NLRC5: variants seen among roughly 807,000 people sequenced by gnomAD.
The protein encoded by NLRC5 is NLR family CARD domain containing 5, also known as protein NLRC5.
Under a neutral mutation model 206.9 loss-of-function variants are expected in NLRC5, and 114 were observed. The observed-to-expected ratio is 0.55, with a 90% CI of 0.47 to 0.64. NLRC5 has a LOEUF of 0.64. Ranked by LOEUF, NLRC5 falls within the 30% of genes least tolerant of loss-of-function variation. The pLI is 0.00. For synonymous variants in NLRC5, 952 were observed against 962.8 expected (o/e 0.99, Z 0.21); for missense variants, 2,008 against 2,305.5 (o/e 0.87, Z 2.64).
rs745494767 is a variant in NLRC5 at position 57,030,055 on chromosome 16, G to A, written c.2388G>A (p.Thr796=). 35 of 1,614,152 alleles carry A rather than the reference G, an allele frequency of 2.2e-5. No individual in the cohort carries two copies. The highest frequency in any genetic ancestry group is 1.3e-4 in the South Asian group (12 of 91,074). The change falls in exon 10 of 49, where the codon ACG becomes ACA. Residue 796 remains threonine, a synonymous_variant. Transcript: ENST00000688547. ...TLLCLARVAV[T]CPTVRMLQAR... is the part of the protein sequence containing the mutation. ...TCTGCTTGGCAAGGGTGGCAGTCAC[G>A]TGTCCTACCGTCAGGATGCTTCAGG...
At chr16:56,993,168 GACAC>G (rs1312619594) in intron 1 of NLRC5, among the ~76,000 whole-genome samples, 1 of 102,586 alleles carries the variant, frequency 9.7e-6, no homozygotes, top group South Asian at 2.6e-4. Flanking sequence ...CACATATATA[GACAC>G]ACACACACAT....
At chr16:57,081,051 G>C in intron 46 of NLRC5, 47 bp from the exon 47 acceptor site, 1 of 1,517,884 alleles carries the variant, frequency 6.6e-7, no homozygotes. Context: ...TCCACCCCTC[G>C]ACCTCCTTGC....
At chr16:57,049,963 G>A (rs959921704) in intron 23 of NLRC5, among the ~76,000 whole-genome samples, 7 of 151,884 alleles carry the variant, frequency 4.6e-5, no homozygotes, top group Admixed American at 2.0e-4. Context: ...GTGATTCCCC[G>A]GGGTTCCACC....
chr16:57,011,005 C>T (rs992707100), intron 1 of NLRC5, among the ~76,000 whole-genome samples: 19 of 152,292 alleles, frequency 1.2e-4, no homozygotes, highest in African/African-American at 4.6e-4. Flanking sequence ...CAGGCCCAGA[C>T]CCCTCCTCAG....
chr16:57,072,644 G>GGAA (rs57796009), intron 38 of NLRC5, among the ~76,000 whole-genome samples: 49,290 of 151,972 alleles, frequency 0.32, 9,995 homozygotes, highest in Non-Finnish European at 0.45. Flanking sequence ...TGTTTAGACA[G>GGAA]TATCTGGACA....
chr16:57,081,315 G>A, intron 47 of NLRC5, 134 bp downstream of exon 47: 2 of 976,782 alleles, frequency 2.0e-6, no homozygotes, highest in Non-Finnish European at 3.0e-6. Flanking sequence ...CCTGTTCCAA[G>A]CCCCTGCCAG....
At chr16:57,069,774 T>C in intron 36 of NLRC5, 62 bp from the exon 37 acceptor site, 5 of 1,387,824 alleles carry the variant, frequency 3.6e-6, no homozygotes, top group Non-Finnish European at 4.0e-6. Context: ...GCCACCAGCA[T>C]TCAGAGCTCC....
Sources: gnomAD v4.1 joint callset for allele counts (sites outside exome capture counted in the v4.1 genomes callset) on GRCh38, gnomAD v4.1.1 for gene constraint, MANE v1.5 for transcripts, NCBI Gene and HGNC (gene_info 2026-07-23, HGNC 2026-07-21) for gene names.